Variants in GPHN observed in about 807,000 individuals in gnomAD.
GPHN encodes the protein gephyrin.
GPHN carries 17 observed loss-of-function variants against 95.5 expected under a neutral mutation model. The observed-to-expected ratio is 0.18, with a 90% confidence interval of 0.12 to 0.27. The LOEUF (loss-of-function observed/expected upper bound fraction) is 0.27. Ranked by LOEUF, GPHN falls within the 10% of genes least tolerant of loss-of-function variation. GPHN has a pLI of 1.00. For missense variants in GPHN, 660 were observed against 978.1 expected, an observed-to-expected ratio of 0.67 and a Z score of 4.34; for synonymous variants, 320 against 322.5, an observed-to-expected ratio of 0.99 and a Z score of 0.08.
In GPHN at chr14:67,070,715, A is replaced by AAAAAAAAAAATATATATATAT; in HGVS notation, c.1144+11930_1144+11931insAAAAAAAAATATATATATATA. Among the ~76,000 whole-genome samples the AAAAAAAAAAATATATATATAT allele has an allele frequency of 4.5e-4, 36 of 80,648 alleles. 2 individuals carry two copies. Among genetic ancestry groups the AAAAAAAAAAATATATATATAT allele is most frequent in the Admixed American group, 2.4e-3 (14 of 5,922 alleles). The allele number at this position is 80,648 out of a possible 152,430, so 52.9% of individuals were successfully genotyped here. On this transcript the variant is annotated intron_variant, in intron 11 of 22. Transcript: ENST00000478722. ...ATCTCAAAAAAAAAAAAAAAAAAAA[A>AAAAAAAAAAATATATATATAT]ATATATATATATATCCAATCAGCAT...
chr14:67,338,992 CTTTT>C, the GPHN span, among the ~76,000 whole-genome samples: 4 of 131,152 alleles, frequency 3.0e-5, no homozygotes, highest in Non-Finnish European at 4.9e-5. Flanking sequence ...AGACAGAAGC[CTTTT>C]TTTTTTTTTT....
chr14:67,614,235 T>C, the GPHN span, among the ~76,000 whole-genome samples: 1 of 152,134 alleles, frequency 6.6e-6, no homozygotes, highest in African/African-American at 2.4e-5. Context: ...CTGCACCTGG[T>C]TCTTTTCTCT....
At chr14:66,946,169 A>T (rs575795250) in intron 8 of GPHN, among the ~76,000 whole-genome samples, 12 of 152,226 alleles carry the variant, frequency 7.9e-5, no homozygotes, top group East Asian at 3.9e-4. Context: ...TATTTTTTTT[A>T]AAAGCATGAA....
the GPHN span, among the ~76,000 whole-genome samples, chr14:67,290,113 G>A: frequency 1.3e-5 from 2 of 151,890 alleles, no homozygotes; most frequent in African/African-American, 4.8e-5. Context: ...ATAAGTCCTT[G>A]TATGTGCTCT....
At chr14:67,037,853 AG>A (rs1370742231) in intron 10 of GPHN, among the ~76,000 whole-genome samples, 2 of 151,844 alleles carry the variant, frequency 1.3e-5, no homozygotes, top group African/African-American at 4.8e-5. Context: ...CCCTGTTGGT[AG>A]GTTTGTGAAA....
intron 21 of GPHN, among the ~76,000 whole-genome samples, chr14:67,173,825 T>G (rs1355411227): frequency 6.6e-6 from 1 of 151,992 alleles, no homozygotes; most frequent in Non-Finnish European, 1.5e-5. Context: ...GGAAAACAAT[T>G]TATGATATAA....
the GPHN span, among the ~76,000 whole-genome samples, chr14:67,652,006 T>A: frequency 1.3e-5 from 2 of 152,240 alleles, no homozygotes; most frequent in Non-Finnish European, 2.9e-5. Context: ...CTGGTTCTCA[T>A]GTTCACTCTA....
At chr14:67,201,636 A>G in the GPHN span, 7 of 425,952 alleles carry the variant, frequency 1.6e-5, no homozygotes, top group Non-Finnish European at 2.8e-5. Flanking sequence ...AACCACCACT[A>G]CCCATTTAAG....
the GPHN span, among the ~76,000 whole-genome samples, chr14:67,460,430 C>T: frequency 2.6e-5 from 4 of 152,238 alleles, no homozygotes; most frequent in South Asian, 2.1e-4. Flanking sequence ...ATCTGCCAGG[C>T]GCAGTGGCTC....
intron 1 of GPHN, among the ~76,000 whole-genome samples, chr14:66,545,124 A>G (rs1412714345): frequency 6.6e-6 from 1 of 151,960 alleles, no homozygotes. Context: ...GTGGCCGGGC[A>G]GAGGGGCTCC....
intron 9 of GPHN, among the ~76,000 whole-genome samples, chr14:66,978,239 G>A (rs1027652757): frequency 1.3e-5 from 2 of 152,168 alleles, no homozygotes; most frequent in African/African-American, 4.8e-5. Flanking sequence ...GAAGGCTGGT[G>A]TGGCTGTGGC....
intron 2 of GPHN, among the ~76,000 whole-genome samples, chr14:66,736,559 C>T (rs535514443): frequency 5.6e-4 from 85 of 151,854 alleles, no homozygotes; most frequent in African/African-American, 2.0e-3. Context: ...CCACCACACC[C>T]AGCTAATTTT....
At chr14:67,583,460 T>G in the GPHN span, among the ~76,000 whole-genome samples, 1 of 152,200 alleles carries the variant, frequency 6.6e-6, no homozygotes, top group Non-Finnish European at 1.5e-5. Context: ...CACATTGTTT[T>G]CCCTTGTCGG....
In GPHN at chr14:66,602,751, A is replaced by G. The variant is rs570099163; in HGVS notation, c.65-78356A>G. 7.2e-5 allele frequency among the ~76,000 whole-genome samples: 11 copies of G among 152,054 alleles called. No homozygotes were observed. The South Asian group carries it at 2.3e-3, about 31-fold the overall frequency. ...ATTTCTACCAAACTAAAGAAAGAATATGTTAATATGACTTGCAAGCTTGGA... is the reference window on the plus strand; with the variant it reads ...ATTTCTACCAAACTAAAGAAAGAATGTGTTAATATGACTTGCAAGCTTGGA... On this transcript the variant is annotated intron_variant, in intron 1 of 22. Transcript: ENST00000478722.
chr14:67,727,399 C>A, the GPHN span: 3 of 569,718 alleles, frequency 5.3e-6, no homozygotes, highest in Middle Eastern at 4.8e-4. Context: ...AAAAAGTTAC[C>A]TTGTATTTGT....
chr14:67,586,512 C>A, the GPHN span: 1 of 813,782 alleles, frequency 1.2e-6, no homozygotes, highest in Non-Finnish European at 1.8e-6. Flanking sequence ...CAAAGTGGGA[C>A]AGTCCCACAG....
chr14:67,514,676 C>T, the GPHN span, among the ~76,000 whole-genome samples: 1 of 152,158 alleles, frequency 6.6e-6, no homozygotes, highest in East Asian at 1.9e-4. Flanking sequence ...CTGTCACCCC[C>T]CTCCACCCTG....
At chr14:66,678,274 C>CT (rs60651128) in intron 1 of GPHN, among the ~76,000 whole-genome samples, 49,762 of 151,540 alleles carry the variant, frequency 0.33, 11,994 homozygotes, top group African/African-American at 0.66. Flanking sequence ...TTTATTCATT[C>CT]TTTTTTAAAT....
chr14:66,987,789 C>G (rs533886612), intron 9 of GPHN, among the ~76,000 whole-genome samples: 20 of 151,986 alleles, frequency 1.3e-4, no homozygotes, highest in Non-Finnish European at 1.5e-5. Flanking sequence ...TGCATTCTTA[C>G]GTTATAGAAA....
Sources: gnomAD v4.1 joint callset for allele counts (sites outside exome capture counted in the v4.1 genomes callset) on GRCh38, gnomAD v4.1.1 for gene constraint, MANE v1.5 for transcripts, NCBI Gene and HGNC (gene_info 2026-07-23, HGNC 2026-07-21) for gene names.